Variants in CACNA2D4 observed in about 807,000 individuals in gnomAD.
CACNA2D4 encodes calcium voltage-gated channel auxiliary subunit alpha2delta 4, also known as voltage-dependent calcium channel subunit alpha-2/delta-4.
Under a neutral mutation model 163.8 loss-of-function variants are expected in CACNA2D4, and 157 were observed. The ratio of observed to expected loss-of-function variants is 0.96; its 90% CI spans 0.84 to 1.09. CACNA2D4 has a LOEUF of 1.09. CACNA2D4 is among the 50% of genes least tolerant of loss of function. CACNA2D4 has a pLI of 0.00. For missense variants in CACNA2D4, 1,410 were observed against 1,479.9 expected, an observed-to-expected ratio of 0.95 and a Z score of 0.78; for synonymous variants, 598 against 586.9, an observed-to-expected ratio of 1.02 and a Z score of -0.27.
chr12:1,858,505 GC>G, intron 20 of CACNA2D4, 71 bp downstream of exon 20: 1 of 1,383,770 alleles, frequency 7.2e-7, no homozygotes, highest in South Asian at 1.2e-5. Flanking sequence ...GTTGGGGTTG[GC>G]CCTGCCCAGT....
chr12:1,792,950 T>C lies in CACNA2D4; in HGVS notation c.*705A>G, dbSNP rs1013855612. On this transcript the variant is annotated 3_prime_UTR_variant, in exon 38 of 38. Coordinates refer to ENST00000382722, the MANE Select transcript of CACNA2D4 (RefSeq NM_172364.5). ...ATGCAAACTTTCCTTTAGGGCTTTG[T>C]AAAGAAGTTTTGGGAAGTTCTTCAA... 12 of 152,246 alleles carry C rather than the reference T, an allele frequency of 7.9e-5. No individual in the cohort carries two copies. Among genetic ancestry groups the C allele is most frequent in the Non-Finnish European group, 7.3e-5 (5 of 68,052 alleles). The allele number at this position is 152,246 out of a possible 1,614,324, so 9.4% of individuals were successfully genotyped here.
chr12:1,819,754 C>T (rs1450404690), intron 26 of CACNA2D4, among the ~76,000 whole-genome samples: 2 of 152,194 alleles, frequency 1.3e-5, no homozygotes, highest in South Asian at 2.1e-4. Context: ...CTCTTCCCTT[C>T]GCATGCCTGA....
At chr12:1,812,227 G>A (rs531201923) in intron 26 of CACNA2D4, among the ~76,000 whole-genome samples, 16 of 152,220 alleles carry the variant, frequency 1.1e-4, no homozygotes, top group Admixed American at 3.9e-4. Context: ...GTCTGCTCAG[G>A]ATCTTCCCTG....
chr12:1,823,634 A>G (rs1232295879), intron 26 of CACNA2D4, among the ~76,000 whole-genome samples: 1 of 149,584 alleles, frequency 6.7e-6, no homozygotes, highest in East Asian at 2.0e-4. Flanking sequence ...ACCCCCAGCC[A>G]GAAAGGTTTC....
At chr12:1,831,569 T>C in intron 26 of CACNA2D4, 1 of 1,511,874 alleles carries the variant, frequency 6.6e-7, no homozygotes, top group Non-Finnish European at 9.1e-7. Flanking sequence ...ATTGGGACGA[T>C]CACCTCTGGC....
chr12:1,891,877 CA>C (rs1866289758), intron 6 of CACNA2D4, among the ~76,000 whole-genome samples: 1 of 151,866 alleles, frequency 6.6e-6, no homozygotes, highest in African/African-American at 2.4e-5. Context: ...ATAACTCAGA[CA>C]AAAATTTTCT....
At chr12:1,818,787 TAA>T (rs1184186630) in intron 26 of CACNA2D4, among the ~76,000 whole-genome samples, 8 of 62,854 alleles carry the variant, frequency 1.3e-4, no homozygotes, top group African/African-American at 5.6e-4. Context: ...ATAAATAAAT[TAA>T]AAAAAAAAAA....
intron 24 of CACNA2D4, among the ~76,000 whole-genome samples, chr12:1,845,802 G>A (rs1279477320): frequency 6.6e-6 from 1 of 152,222 alleles, no homozygotes; most frequent in Non-Finnish European, 1.5e-5. Context: ...GTGACATTTT[G>A]TGCCAGGCGA....
At chr12:1,813,007 G>C (rs1307040825) in intron 26 of CACNA2D4, among the ~76,000 whole-genome samples, 2 of 152,294 alleles carry the variant, frequency 1.3e-5, no homozygotes, top group East Asian at 3.9e-4. Flanking sequence ...TGATCTTAGA[G>C]AAATTTGATG....
At chr12:1,906,752 C>T (rs552758712) in intron 6 of CACNA2D4, among the ~76,000 whole-genome samples, 135 of 152,368 alleles carry the variant, frequency 8.9e-4, no homozygotes, top group African/African-American at 3.1e-3. Flanking sequence ...ACTATGGGAA[C>T]TGCAGGAGCT....
chr12:1,831,476 C>A, intron 26 of CACNA2D4: 1 of 1,613,990 alleles, frequency 6.2e-7, no homozygotes, highest in South Asian at 1.1e-5. Flanking sequence ...GGGAGTGTGA[C>A]TGTAACCTGC....
At position 1,856,079 on chromosome 12, in the gene CACNA2D4, G is replaced by C. The variant is rs1477105980; in HGVS notation, c.2085C>G (p.Asp695Glu). 1.9e-6 allele frequency: 3 copies of C among 1,613,926 alleles called. No homozygotes were observed. The highest frequency in any genetic ancestry group is 2.7e-5 in the African/African-American group (2 of 74,954). ...WIYCITDIDP[D>E]HRKLSQLEAM... ...CCTCTAGCTGGCTGAGCTTCCGGTG[G>C]TCTGGGTCAATATCTGTGATGCAGT... The change falls in exon 22 of 38, where the codon GAC becomes GAG. Residue 695 changes from aspartate to glutamate, a missense_variant. Asp to Glu is a conservative substitution (Grantham distance 45). Transcript: ENST00000382722.
intron 11 of CACNA2D4, 42 bp downstream of exon 11, chr12:1,884,726 A>T: frequency 7.6e-7 from 1 of 1,322,274 alleles, no homozygotes; most frequent in South Asian, 1.2e-5. Flanking sequence ...CCATGGCAGC[A>T]GGAGAAGCTT....
chr12:1,916,949 G>C (rs2154453620), intron 1 of CACNA2D4, among the ~76,000 whole-genome samples: 1 of 152,336 alleles, frequency 6.6e-6, no homozygotes, highest in African/African-American at 2.4e-5. Context: ...CCTCCCTGAA[G>C]GCCTGGATTC....
intron 3 of CACNA2D4, 29 bp from the exon 4 acceptor site, chr12:1,909,994 G>A: frequency 6.2e-7 from 1 of 1,605,174 alleles, no homozygotes; most frequent in South Asian, 1.1e-5. Context: ...GAGGTAGGGA[G>A]AATGGGTAAA....
intron 29 of CACNA2D4, among the ~76,000 whole-genome samples, chr12:1,809,199 G>A (rs1277867425): frequency 2.0e-5 from 3 of 152,184 alleles, no homozygotes; most frequent in East Asian, 1.9e-4. Context: ...CTGTTCCGAC[G>A]ACTTCTTTGG....
chr12:1,844,484 G>A lies in CACNA2D4; in HGVS notation c.2388C>T (p.Asp796=), dbSNP rs1342210044. The A allele has an allele frequency of 5.6e-6, 9 of 1,613,530 alleles. No homozygotes were observed. Among genetic ancestry groups the A allele is most frequent in the Non-Finnish European group, 7.6e-6 (9 of 1,179,776 alleles). Residue 796 remains aspartate, a synonymous_variant, in exon 25 of 38, where the codon GAC becomes GAT. Transcript: ENST00000382722. The surrounding 1 kb of genome is among the most constrained non-coding windows in gnomAD (Gnocchi z 4.2). Reference sequence around the variant, plus strand: ...CCTGGCGGTACCACAGCGGGAAGCGGTCCAGGGTGAACACGCTGGCCTCGT... The same window carrying A: ...CCTGGCGGTACCACAGCGGGAAGCGATCCAGGGTGAACACGCTGGCCTCGT... ...PEDEASVFTL[D]RFPLWYRQAS... is the part of the protein sequence containing the mutation.
chr12:1,800,350 C>G, intron 32 of CACNA2D4, 36 bp downstream of exon 32: 1 of 1,608,848 alleles, frequency 6.2e-7, no homozygotes, highest in Non-Finnish European at 8.5e-7. Flanking sequence ...CCCTCGCATG[C>G]AGCCCTCCAC....
intron 6 of CACNA2D4, among the ~76,000 whole-genome samples, chr12:1,888,295 G>T (rs1866199390): frequency 1.3e-5 from 2 of 152,216 alleles, no homozygotes; most frequent in Admixed American, 6.5e-5. Flanking sequence ...GGTCCTGGAT[G>T]AGGGTACCCT....
Sources: allele counts gnomAD v4.1 joint callset (sites outside exome capture counted in the v4.1 genomes callset), GRCh38; gene constraint gnomAD v4.1.1; non-coding constraint Gnocchi (gnomAD v3.1); transcripts MANE v1.5; gene names NCBI Gene and HGNC (gene_info 2026-07-23, HGNC 2026-07-21).